Variants in OLFM3 observed in about 807,000 individuals in gnomAD.
The protein encoded by OLFM3 is noelin-3.
Under a neutral mutation model 48.6 loss-of-function variants are expected in OLFM3, and 20 were observed. That is an observed-to-expected ratio of 0.41 (90% CI 0.29 to 0.60). The LOEUF (loss-of-function observed/expected upper bound fraction) is 0.60, where lower values mean the gene tolerates loss of function less well. Ranked by LOEUF, OLFM3 falls within the 20% of genes least tolerant of loss-of-function variation. The pLI is 0.28. For missense variants in OLFM3, 437 were observed against 544.3 expected (o/e 0.80, Z 1.96); for synonymous variants, 222 against 198.1 (o/e 1.12, Z -1.01).
Position 101,917,754 on chromosome 1 carries a change from T to C in OLFM3, c.69+78994A>G, listed in dbSNP as rs528313474. Reference sequence around the variant, plus strand: ...ATTTTATAAATCACAATCATTATTGTTGAAGTTTTTTAAAATATTGAATTA... The same window carrying C: ...ATTTTATAAATCACAATCATTATTGCTGAAGTTTTTTAAAATATTGAATTA... On this transcript the variant is annotated intron_variant, in intron 1 of 5. Transcript: ENST00000370103. 2.6e-5 allele frequency among the ~76,000 whole-genome samples: 4 copies of C among 152,298 alleles called. No homozygotes were observed. In the East Asian group the frequency reaches 5.8e-4, roughly 22 times the overall value.
At chr1:101,857,961 TTTC>T (rs1188668649) in intron 1 of OLFM3, among the ~76,000 whole-genome samples, 1 of 152,080 alleles carries the variant, frequency 6.6e-6, no homozygotes, top group African/African-American at 2.4e-5. Flanking sequence ...AAACAACTTT[TTTC>T]TTATCTGAAC....
rs115670165 is a variant in OLFM3 at position 101,819,972 on chromosome 1, T to C, written c.592+5054A>G. 2.0e-3 allele frequency among the ~76,000 whole-genome samples: 302 copies of C among 152,206 alleles called. 2 individuals carry two copies. The highest frequency in any genetic ancestry group is 6.9e-3 in the African/African-American group (285 of 41,558). On this transcript the variant is annotated intron_variant, in intron 4 of 5. Transcript: ENST00000370103. ...TAGGCATCCAATATTGCTGGAGTTATTGACTTATGTGTCAGTTGTCCCCAC... is the reference window on the plus strand; with the variant it reads ...TAGGCATCCAATATTGCTGGAGTTACTGACTTATGTGTCAGTTGTCCCCAC...
intron 1 of OLFM3, among the ~76,000 whole-genome samples, chr1:101,914,671 T>C (rs1658866225): frequency 6.6e-6 from 1 of 152,198 alleles, no homozygotes; most frequent in African/African-American, 2.4e-5. Context: ...GAAGTGGGGA[T>C]AAGTGCCAGA....
chr1:101,858,766 G>GT (rs1426873335), intron 1 of OLFM3, among the ~76,000 whole-genome samples: 1 of 151,986 alleles, frequency 6.6e-6, no homozygotes, highest in Non-Finnish European at 1.5e-5. Context: ...TACTATAATT[G>GT]TAAGTTCTCT....
intron 1 of OLFM3, among the ~76,000 whole-genome samples, chr1:101,877,159 A>G (rs1657335101): frequency 6.6e-6 from 1 of 151,162 alleles, no homozygotes; most frequent in Non-Finnish European, 1.5e-5. Context: ...TATAAATGAT[A>G]CAAACCATGG....
At chr1:101,976,637 T>A (rs900315789) in intron 1 of OLFM3, among the ~76,000 whole-genome samples, 1 of 152,150 alleles carries the variant, frequency 6.6e-6, no homozygotes, top group Non-Finnish European at 1.5e-5. Context: ...AATTTGTATA[T>A]AAGTAAACTG....
intron 1 of OLFM3, among the ~76,000 whole-genome samples, chr1:101,906,228 T>C (rs1020249353): frequency 5.3e-5 from 8 of 152,104 alleles, no homozygotes; most frequent in African/African-American, 1.9e-4. Context: ...TGATTTCTTA[T>C]ATCATCACTA....
intron 1 of OLFM3, among the ~76,000 whole-genome samples, chr1:101,946,561 C>A (rs898862695): frequency 6.6e-6 from 1 of 152,048 alleles, no homozygotes. Flanking sequence ...GTCAAAAAGA[C>A]GATAAGTGGC....
At chr1:101,896,589 G>A (rs1160761033) in intron 1 of OLFM3, among the ~76,000 whole-genome samples, 2 of 142,902 alleles carry the variant, frequency 1.4e-5, no homozygotes, top group East Asian at 2.1e-4. Flanking sequence ...CCGCCTCTCC[G>A]GTTCACGCCA....
intron 1 of OLFM3, among the ~76,000 whole-genome samples, chr1:101,872,206 C>A (rs1014071896): frequency 6.6e-6 from 1 of 151,986 alleles, no homozygotes; most frequent in African/African-American, 2.4e-5. Context: ...ATATGTGCAT[C>A]AACATATTGG....
intron 1 of OLFM3, among the ~76,000 whole-genome samples, chr1:101,897,120 G>GTTTTGTAAC (rs897474279): frequency 5.9e-5 from 9 of 151,996 alleles, no homozygotes; most frequent in African/African-American, 2.2e-4. Context: ...AACTGCAGGT[G>GTTTTGTAAC]TGTGTGTGTT....
intron 1 of OLFM3, among the ~76,000 whole-genome samples, chr1:101,927,694 A>G (rs1176752174): frequency 6.7e-6 from 1 of 150,318 alleles, no homozygotes; most frequent in Non-Finnish European, 1.5e-5. Context: ...AAGCAAGTAT[A>G]TATATATGTA....
rs78573528 is a variant in OLFM3 at position 101,847,905 on chromosome 1, G to A, written c.70-10880C>T. On this transcript the variant is annotated intron_variant, in intron 1 of 5. Coordinates refer to ENST00000370103, the MANE Select transcript of OLFM3 (RefSeq NM_058170.4). ...GGGATCTAGTATTTGTTCTCCTCTAGTTAGCCATATGACTGGCCGGTGACA... is the reference window on the plus strand; with the variant it reads ...GGGATCTAGTATTTGTTCTCCTCTAATTAGCCATATGACTGGCCGGTGACA... 9.8e-3 allele frequency among the ~76,000 whole-genome samples: 1,486 copies of A among 152,222 alleles called. 28 individuals are homozygous for A. Among genetic ancestry groups the A allele is most frequent in the African/African-American group, 0.034 (1,413 of 41,528 alleles).
At chr1:101,972,616 T>C (rs369590835) in intron 1 of OLFM3, among the ~76,000 whole-genome samples, 4 of 152,318 alleles carry the variant, frequency 2.6e-5, no homozygotes, top group East Asian at 1.9e-4. Context: ...GATAACATTA[T>C]AGACCCAGGG....
At chr1:101,978,890 G>T (rs2101106188) in intron 1 of OLFM3, among the ~76,000 whole-genome samples, 1 of 152,026 alleles carries the variant, frequency 6.6e-6, no homozygotes, top group Admixed American at 6.5e-5. Context: ...ATGTTTGTTG[G>T]ATAATTAGAC....
Position 101,991,173 on chromosome 1 carries a change from C to T in OLFM3, c.69+5575G>A, listed in dbSNP as rs183602724. On this transcript the variant is annotated intron_variant, in intron 1 of 5. Coordinates refer to ENST00000370103, the MANE Select transcript of OLFM3 (RefSeq NM_058170.4). ...TTTAAACCAGGGTAATGAGTGTTTA[C>T]AGAGCTTTGATGTTGTCCTAATACT... is the stretch of plus-strand genomic sequence containing the variant. Among the ~76,000 whole-genome samples the T allele has an allele frequency of 3.5e-3, 527 of 151,060 alleles. 5 individuals are homozygous for T. Among genetic ancestry groups the T allele is most frequent in the African/African-American group, 0.012 (481 of 41,162 alleles).
At chr1:101,911,613 A>G (rs1466982176) in intron 1 of OLFM3, among the ~76,000 whole-genome samples, 1 of 152,186 alleles carries the variant, frequency 6.6e-6, no homozygotes, top group African/African-American at 2.4e-5. Context: ...GATAGTCAGA[A>G]AGACAACAAA....
chr1:101,849,479 A>C (rs1656140196), intron 1 of OLFM3, among the ~76,000 whole-genome samples: 1 of 152,216 alleles, frequency 6.6e-6, no homozygotes, highest in Admixed American at 6.5e-5. Flanking sequence ...GGGTCACCCA[A>C]AAGTGTTTGG....
intron 1 of OLFM3, among the ~76,000 whole-genome samples, chr1:101,946,748 A>G (rs893392073): frequency 2.0e-5 from 3 of 152,152 alleles, no homozygotes; most frequent in Non-Finnish European, 4.4e-5. Flanking sequence ...TGAACTCTAT[A>G]AACTTTTTTT....
Sources: gnomAD v4.1 joint callset for allele counts (sites outside exome capture counted in the v4.1 genomes callset) on GRCh38, gnomAD v4.1.1 for gene constraint, MANE v1.5 for transcripts, NCBI Gene and HGNC (gene_info 2026-07-23, HGNC 2026-07-21) for gene names.